ST6GALNAC5: variants seen among roughly 807,000 people sequenced by gnomAD.
ST6GALNAC5 encodes the protein ST6 N-acetylgalactosaminide alpha-2,6-sialyltransferase 5.
In ST6GALNAC5, 27 loss-of-function variants were observed where a neutral mutation model predicts 33.6. The observed-to-expected ratio is 0.80, with a 90% confidence interval of 0.59 to 1.11. The LOEUF (loss-of-function observed/expected upper bound fraction) is 1.11, where lower values mean the gene tolerates loss of function less well. Ranked by LOEUF, ST6GALNAC5 falls within the 50% of genes least tolerant of loss-of-function variation. The pLI is 0.00. For synonymous variants in ST6GALNAC5, 194 were observed against 171.2 expected (o/e 1.13, Z -1.04); for missense variants, 428 against 454.0 (o/e 0.94, Z 0.52).
At chr1:77,047,942 G>A (rs1041708787) in intron 3 of ST6GALNAC5, among the ~76,000 whole-genome samples, 6 of 152,160 alleles carry the variant, frequency 3.9e-5, no homozygotes, top group African/African-American at 1.2e-4. Context: ...AAAAACAGTA[G>A]ATATTCCTTT....
At chr1:77,037,618 A>G (rs1229267566) in intron 2 of ST6GALNAC5, among the ~76,000 whole-genome samples, 1 of 152,210 alleles carries the variant, frequency 6.6e-6, no homozygotes, top group Non-Finnish European at 1.5e-5. Flanking sequence ...TTCCAAAAGC[A>G]ATAAGAAGCA....
At chr1:77,039,754 C>A (rs533465321) in intron 2 of ST6GALNAC5, among the ~76,000 whole-genome samples, 1 of 152,174 alleles carries the variant, frequency 6.6e-6, no homozygotes, top group Non-Finnish European at 1.5e-5. Flanking sequence ...TGAGGCTTTA[C>A]GGAAAATGTT....
At chr1:76,974,711 A>T (rs1442533792) in intron 2 of ST6GALNAC5, among the ~76,000 whole-genome samples, 1 of 7,262 alleles carries the variant, frequency 1.4e-4, no homozygotes, top group Non-Finnish European at 2.0e-4. Context: ...GAAATATAAG[A>T]TAACAGTCTT....
chr1:76,883,050 C>T (rs1269594684), intron 2 of ST6GALNAC5, among the ~76,000 whole-genome samples: 5 of 152,144 alleles, frequency 3.3e-5, no homozygotes, highest in Non-Finnish European at 5.9e-5. Context: ...GCAGAGTATA[C>T]CCAACGTTCT....
intron 2 of ST6GALNAC5, among the ~76,000 whole-genome samples, chr1:76,982,418 C>T (rs1649296022): frequency 6.6e-6 from 1 of 152,076 alleles, no homozygotes; most frequent in African/African-American, 2.4e-5. Flanking sequence ...GTATCAGTAA[C>T]TGAAGATCAA....
At position 77,063,060 on chromosome 1, in the gene ST6GALNAC5, G is replaced by C. The variant is rs767496658; in HGVS notation, c.865G>C (p.Gly289Arg). Residue 289 changes from glycine to arginine, a missense_variant, in exon 5 of 5, where the codon GGA becomes CGA. By Grantham distance (125) the Gly-to-Arg change is moderately radical (BLOSUM62 -2). Coordinates refer to ENST00000477717, the MANE Select transcript of ST6GALNAC5 (RefSeq NM_030965.3). ...ECTMYLSHERGRKGSHHRFIT... is the reference protein window; with the variant it reads ...ECTMYLSHERRRKGSHHRFIT... ...TACAATGTACCTCTCCCATGAGCGA[G>C]GACGCAAGGGCAGTCATCACCGCTT... is the stretch of plus-strand genomic sequence containing the variant. 6.2e-7 allele frequency: 1 copy of C among 1,613,908 alleles called. No individual in the cohort carries two copies.
In ST6GALNAC5 at chr1:77,065,878, G is replaced by A. The variant is rs563768964; in HGVS notation, c.*2672G>A. On this transcript the variant is annotated 3_prime_UTR_variant, in exon 5 of 5. Transcript: ENST00000477717. ...CAGTAATACAATGCCACAGCTGGTCGATCCATGGCTTCTGTTATTTCAACA... is the reference window on the plus strand; with the variant it reads ...CAGTAATACAATGCCACAGCTGGTCAATCCATGGCTTCTGTTATTTCAACA... Among the ~76,000 whole-genome samples the A allele has an allele frequency of 2.0e-5, 3 of 152,296 alleles. No individual in the cohort carries two copies. The highest frequency in any genetic ancestry group is 3.4e-3 in the Middle Eastern group (1 of 294).
chr1:77,043,300 T>A (rs1651894131), intron 2 of ST6GALNAC5, among the ~76,000 whole-genome samples: 1 of 152,254 alleles, frequency 6.6e-6, no homozygotes, highest in Non-Finnish European at 1.5e-5. Flanking sequence ...GAATGTTTAA[T>A]TTGTTAGGAC....
intron 2 of ST6GALNAC5, among the ~76,000 whole-genome samples, chr1:76,884,050 G>T (rs375679218): frequency 1.3e-5 from 2 of 152,174 alleles, no homozygotes; most frequent in Non-Finnish European, 2.9e-5. Flanking sequence ...CTTCAGTGTG[G>T]CATGGGTTAA....
rs192108627 is a variant in ST6GALNAC5, at chr1:77,011,747, A to G, written c.262-32457A>G. 2.8e-3 allele frequency among the ~76,000 whole-genome samples: 429 copies of G among 152,236 alleles called. 3 individuals carry two copies. The highest frequency in any genetic ancestry group is 9.8e-3 in the African/African-American group (406 of 41,558). ...GATAATACAGTAACTGCATATAAGT[A>G]CTTATATACAAGATATTGTTCTATT... On this transcript the variant is annotated intron_variant, in intron 2 of 4. Transcript: ENST00000477717.
rs555145547 is a variant in ST6GALNAC5, at chr1:76,899,080, G to C, written c.261+30338G>C. Among the ~76,000 whole-genome samples the C allele has an allele frequency of 5.9e-5, 9 of 152,230 alleles. No individual in the cohort carries two copies. The East Asian group carries it at 1.4e-3, about 23-fold the overall frequency. On this transcript the variant is annotated intron_variant, in intron 2 of 4. Coordinates refer to ENST00000477717, the MANE Select transcript of ST6GALNAC5 (RefSeq NM_030965.3). ...GACAAAAATTATTTAGAACTTGTAG[G>C]GTGGAAAAATTGAAAGTGCCATTTT... is the stretch of plus-strand genomic sequence containing the variant.
At position 77,044,549 on chromosome 1, in the gene ST6GALNAC5, A is replaced by G. The variant is rs151200060; in HGVS notation, c.607A>G (p.Met203Val). 1.4e-5 allele frequency: 22 copies of G among 1,602,968 alleles called. No homozygotes were observed. In the Middle Eastern group the frequency reaches 5.0e-4, roughly 36 times the overall value. Residue 203 changes from methionine to valine, a missense_variant, in exon 3 of 5, where the codon ATG (methionine) becomes GTG (valine). Met to Val is a conservative substitution (Grantham distance 21, BLOSUM62 1). Coordinates refer to ENST00000477717, the MANE Select transcript of ST6GALNAC5 (RefSeq NM_030965.3). ...GGTGCTGCCCCGGCTGAAGGCCTTC[A>G]TGATTACTCGCCACAAGATGCTGCA... ...SQVLPRLKAF[M>V]ITRHKMLQFD...
At chr1:76,963,614 G>A (rs868423737) in intron 2 of ST6GALNAC5, among the ~76,000 whole-genome samples, 1 of 152,180 alleles carries the variant, frequency 6.6e-6, no homozygotes, top group Non-Finnish European at 1.5e-5. Flanking sequence ...AGGTGGAGCT[G>A]CCAGAAGCAC....
chr1:76,892,390 A>G (rs189406879), intron 2 of ST6GALNAC5, among the ~76,000 whole-genome samples: 1 of 152,276 alleles, frequency 6.6e-6, no homozygotes, highest in East Asian at 1.9e-4. Flanking sequence ...CCCTTTAGTC[A>G]CAGTGATTTT....
chr1:76,903,280 A>C (rs1038088125), intron 2 of ST6GALNAC5, among the ~76,000 whole-genome samples: 1 of 152,328 alleles, frequency 6.6e-6, no homozygotes, highest in African/African-American at 2.4e-5. Context: ...AAGCACACGG[A>C]AAGATTCTCA....
chr1:76,940,533 G>T (rs1311794182), intron 2 of ST6GALNAC5, among the ~76,000 whole-genome samples: 11 of 151,978 alleles, frequency 7.2e-5, no homozygotes, highest in Admixed American at 7.2e-4. Flanking sequence ...AACTAGAAGG[G>T]ACCTTAGAAA....
At chr1:77,044,162 G>A in intron 2 of ST6GALNAC5, 42 bp from the exon 3 acceptor site, 1 of 1,551,846 alleles carries the variant, frequency 6.4e-7, no homozygotes, top group South Asian at 1.2e-5. Context: ...TGAGGGTTAA[G>A]CCCTTTGCCC....
intron 2 of ST6GALNAC5, among the ~76,000 whole-genome samples, chr1:76,993,923 G>GA (rs1000144852): frequency 8.0e-5 from 12 of 150,774 alleles, no homozygotes; most frequent in South Asian, 2.1e-4. Flanking sequence ...AGGAAAAAAA[G>GA]AAAAAAAAGG....
chr1:77,002,852 G>A (rs1399609907), intron 2 of ST6GALNAC5, among the ~76,000 whole-genome samples: 3 of 143,554 alleles, frequency 2.1e-5, no homozygotes, highest in East Asian at 4.1e-4. Flanking sequence ...TGTGGTCTGA[G>A]AGATAGTTTG....
Sources: gnomAD v4.1 joint callset for allele counts (sites outside exome capture counted in the v4.1 genomes callset) on GRCh38, gnomAD v4.1.1 for gene constraint, MANE v1.5 for transcripts, NCBI Gene and HGNC (gene_info 2026-07-23, HGNC 2026-07-21) for gene names.